CDK6: variants seen among roughly 807,000 people sequenced by gnomAD.
CDK6 encodes cyclin-dependent kinase 6.
Under a neutral mutation model 37.1 loss-of-function variants are expected in CDK6, and 6 were observed. The observed-to-expected ratio is 0.16, with a 90% CI of 0.09 to 0.32. The LOEUF (loss-of-function observed/expected upper bound fraction) is 0.32. CDK6 is among the 10% of genes least tolerant of loss of function. CDK6 has a pLI of 1.00. For missense variants in CDK6, 224 were observed against 418.9 expected, an observed-to-expected ratio of 0.53 and a Z score of 4.06; for synonymous variants, 160 against 161.3, an observed-to-expected ratio of 0.99 and a Z score of 0.06.
chr7:92,766,164 C>T (rs1009350454), intron 3 of CDK6, among the ~76,000 whole-genome samples: 2 of 152,092 alleles, frequency 1.3e-5, no homozygotes, highest in African/African-American at 2.4e-5. Flanking sequence ...TTTATTTCTG[C>T]TTTAATAAGG....
At position 92,799,918 on chromosome 7, in the gene CDK6, C is replaced by G. The variant is rs140927536; in HGVS notation, c.234-25087G>C. ...CACATGTAACTCAACATGTTCAAAACTGAGTTCATCATTGTCCCTCCAAAC... is the reference window on the plus strand; with the variant it reads ...CACATGTAACTCAACATGTTCAAAAGTGAGTTCATCATTGTCCCTCCAAAC... On this transcript the variant is annotated intron_variant, in intron 2 of 7. Coordinates refer to ENST00000424848, the MANE Select transcript of CDK6 (RefSeq NM_001145306.2). Among the ~76,000 whole-genome samples, 1,190 of 152,276 alleles carry G rather than the reference C, an allele frequency of 7.8e-3. 23 individuals are homozygous for G. Among genetic ancestry groups the G allele is most frequent in the African/African-American group, 0.026 (1,069 of 41,570 alleles).
intron 3 of CDK6, among the ~76,000 whole-genome samples, chr7:92,754,214 C>T (rs1235117823): frequency 6.6e-6 from 1 of 152,192 alleles, no homozygotes; most frequent in Non-Finnish European, 1.5e-5. Flanking sequence ...TCCTCAGTAA[C>T]ATTCAGGAAG....
chr7:92,712,834 CTATGTATGTATGTATGTATG>C (rs4015287), intron 4 of CDK6, among the ~76,000 whole-genome samples: 2 of 146,310 alleles, frequency 1.4e-5, no homozygotes, highest in African/African-American at 2.6e-5. Context: ...GACATTAATC[CTATGTATGTATGTATGTATG>C]TATGTATGTA....
chr7:92,725,635 T>C lies in CDK6; in HGVS notation c.528A>G (p.Leu176=). ...LARIYSFQMA[L]TSVVVTLWYR... is the part of the protein sequence containing the mutation. Reference sequence around the variant, plus strand: ...GCACTCTCTCACTCACCACTGAGGTTAGAGCCATCTGGAAACTATAGATGC... The same window carrying C: ...GCACTCTCTCACTCACCACTGAGGTCAGAGCCATCTGGAAACTATAGATGC... Residue 176 remains leucine, a synonymous_variant, in exon 4 of 8, where the codon CTA becomes CTG. Coordinates refer to ENST00000424848, the MANE Select transcript of CDK6 (RefSeq NM_001145306.2). 1 of 1,613,800 alleles carries C rather than the reference T, an allele frequency of 6.2e-7. No homozygotes were observed. The highest frequency in any genetic ancestry group is 8.5e-7 in the Non-Finnish European group (1 of 1,179,836).
intron 3 of CDK6, among the ~76,000 whole-genome samples, chr7:92,753,292 G>T (rs1799230433): frequency 6.6e-6 from 1 of 152,026 alleles, no homozygotes; most frequent in African/African-American, 2.4e-5. Flanking sequence ...TAAGACCAGA[G>T]ATCCCATAAT....
intron 2 of CDK6, among the ~76,000 whole-genome samples, chr7:92,809,958 C>CAGCA (rs1800831862): frequency 6.6e-6 from 1 of 152,176 alleles, no homozygotes; most frequent in Non-Finnish European, 1.5e-5. Context: ...TTCCTTTGAC[C>CAGCA]TGCTACTCTT....
rs1015754046 is a variant in CDK6 at position 92,663,525 on chromosome 7, AC to A, written c.647+7900del. On this transcript the variant is annotated intron_variant, in intron 5 of 7. Transcript: ENST00000424848. ...GACCAGCCTAGGCAACAACAGCGAA[AC>A]CCCGTATCTACTAAAATACAAAAAA... Among the ~76,000 whole-genome samples, 41 of 151,442 alleles carry A rather than the reference AC, an allele frequency of 2.7e-4. 2 individuals are homozygous for A. The highest frequency in any genetic ancestry group is 5.9e-5 in the Non-Finnish European group (4 of 67,860).
At chr7:92,778,549 AT>A (rs1799904768) in intron 2 of CDK6, among the ~76,000 whole-genome samples, 2 of 152,206 alleles carry the variant, frequency 1.3e-5, no homozygotes, top group Admixed American at 6.5e-5. Context: ...ATAATTCAAG[AT>A]AACTACAACT....
Position 92,611,736 on chromosome 7 carries a change from A to G in CDK6, c.*3404T>C, listed in dbSNP as rs1274711511. On this transcript the variant is annotated 3_prime_UTR_variant, in exon 8 of 8. Coordinates refer to ENST00000424848, the MANE Select transcript of CDK6 (RefSeq NM_001145306.2). ...AAAAGAAACATGCTTTATTTAAGAT[A>G]GGAACATCTCATGCCTTCTAAAGCT... The G allele has an allele frequency of 1.3e-5, 3 of 230,106 alleles. No individual in the cohort carries two copies. The highest frequency in any genetic ancestry group is 2.6e-5 in the Non-Finnish European group (3 of 116,210). The allele number at this position is 230,106 out of a possible 1,614,324, so 14.3% of individuals were successfully genotyped here. A position where few individuals can be genotyped will look rare whatever the true frequency, so the allele number is the denominator to read the frequency against.
Position 92,834,662 on chromosome 7 carries a change from A to T in CDK6, c.-367-972T>A, listed in dbSNP as rs890365295. 8.3e-6 allele frequency among the ~76,000 whole-genome samples: 1 copy of T among 120,428 alleles called. No homozygotes were observed. The highest frequency in any genetic ancestry group is 1.6e-5 in the Non-Finnish European group (1 of 61,494). 79.0% of individuals were successfully genotyped at this position (120,428 alleles called of 152,430 possible). On this transcript the variant is annotated intron_variant, in intron 1 of 7. Coordinates refer to ENST00000424848, the MANE Select transcript of CDK6 (RefSeq NM_001145306.2). The surrounding 1 kb of genome is among the most constrained non-coding windows in gnomAD (Gnocchi z 4.6). ...CTGATTTCGACCTGAGCAAAACTCA[A>T]CCTCCCTTTCAAAGGGTGGGGGGTG... is the stretch of plus-strand genomic sequence containing the variant.
intron 6 of CDK6, among the ~76,000 whole-genome samples, chr7:92,621,295 T>C (rs759748595): frequency 6.6e-6 from 1 of 152,222 alleles, no homozygotes; most frequent in Admixed American, 6.5e-5. Flanking sequence ...GCACAAACCA[T>C]AGAACTCTAC....
At chr7:92,682,238 C>G (rs1797354888) in intron 4 of CDK6, among the ~76,000 whole-genome samples, 1 of 152,194 alleles carries the variant, frequency 6.6e-6, no homozygotes, top group Non-Finnish European at 1.5e-5. Flanking sequence ...ATTTCAGGGT[C>G]AAGCTCAACT....
intron 2 of CDK6, among the ~76,000 whole-genome samples, chr7:92,822,095 T>C (rs1801187860): frequency 6.6e-6 from 1 of 151,982 alleles, no homozygotes; most frequent in Admixed American, 6.6e-5. Context: ...AATTTTACAG[T>C]AAAACAAAAA....
intron 3 of CDK6, among the ~76,000 whole-genome samples, chr7:92,763,702 T>C (rs143740446): frequency 1.7e-4 from 26 of 152,316 alleles, no homozygotes; most frequent in African/African-American, 6.0e-4. Context: ...ACCTACTGAT[T>C]GGCTGGGGTT....
chr7:92,725,530 T>C, intron 4 of CDK6, 96 bp downstream of exon 4: 1 of 1,300,142 alleles, frequency 7.7e-7, no homozygotes, highest in South Asian at 1.5e-5. Context: ...CAACTAGTCA[T>C]GGGCAGTACT....
chr7:92,828,742 A>C (rs1438265476), intron 2 of CDK6, among the ~76,000 whole-genome samples: 1 of 152,168 alleles, frequency 6.6e-6, no homozygotes, highest in Non-Finnish European at 1.5e-5. Flanking sequence ...GAGAGATTCT[A>C]ATAATTCTAT....
intron 4 of CDK6, among the ~76,000 whole-genome samples, chr7:92,704,874 C>T (rs986657999): frequency 6.6e-6 from 1 of 152,142 alleles, no homozygotes; most frequent in Non-Finnish European, 1.5e-5. Context: ...TGCAGGGTTT[C>T]ATGGTATAAG....
intron 5 of CDK6, among the ~76,000 whole-genome samples, chr7:92,631,568 T>C (rs984729244): frequency 5.3e-5 from 8 of 152,190 alleles, no homozygotes; most frequent in African/African-American, 1.9e-4. Context: ...TTTCAGTAAA[T>C]GACTTCGTAA....
intron 4 of CDK6, among the ~76,000 whole-genome samples, chr7:92,688,591 A>T (rs1195729500): frequency 2.0e-4 from 29 of 144,654 alleles, no homozygotes; most frequent in African/African-American, 6.7e-4. Context: ...TCACACACAC[A>T]CACACACACA....
Sources: allele counts gnomAD v4.1 joint callset (sites outside exome capture counted in the v4.1 genomes callset), GRCh38; gene constraint gnomAD v4.1.1; non-coding constraint Gnocchi (gnomAD v3.1); transcripts MANE v1.5; gene names NCBI Gene and HGNC (gene_info 2026-07-23, HGNC 2026-07-21).